The following PDS5A variants were observed in gnomAD, a reference collection of about 807,000 sequenced individuals.
PDS5A encodes PDS5 cohesin associated factor A.
Under a neutral mutation model 167.1 loss-of-function variants are expected in PDS5A, and 42 were observed. That is an observed-to-expected ratio of 0.25 (90% confidence interval 0.20 to 0.33). The LOEUF (loss-of-function observed/expected upper bound fraction) is 0.33. Among genes scored for constraint, PDS5A ranks in the 10% least tolerant of loss-of-function variants. The pLI is 1.00. For missense variants in PDS5A, 1,033 were observed against 1,605.9 expected, an observed-to-expected ratio of 0.64 and a Z score of 6.10; for synonymous variants, 553 against 554.6, an observed-to-expected ratio of 1.00 and a Z score of 0.04.
intron 2 of PDS5A, among the ~76,000 whole-genome samples, chr4:39,963,853 G>A (rs1729727249): frequency 6.6e-6 from 1 of 151,774 alleles, no homozygotes; most frequent in Admixed American, 6.6e-5. Context: ...GGGGGTGGGG[G>A]AGAGGGAGCG....
intron 2 of PDS5A, among the ~76,000 whole-genome samples, chr4:39,952,457 T>C (rs1728500981): frequency 6.6e-6 from 1 of 152,226 alleles, no homozygotes; most frequent in African/African-American, 2.4e-5. Context: ...AATTAAAATT[T>C]TGTAAGTGTT....
chr4:39,919,876 C>A (rs1724761167), intron 7 of PDS5A, among the ~76,000 whole-genome samples: 1 of 149,676 alleles, frequency 6.7e-6, no homozygotes, highest in Admixed American at 6.7e-5. Flanking sequence ...AAATCTTTGC[C>A]AAAAACAACA....
intron 11 of PDS5A, 81 bp downstream of exon 11, chr4:39,908,314 A>C: frequency 9.6e-7 from 1 of 1,042,976 alleles, no homozygotes; most frequent in Non-Finnish European, 1.5e-6. Context: ...AAAGACATTA[A>C]ATGTAACAGA....
intron 26 of PDS5A, among the ~76,000 whole-genome samples, chr4:39,850,262 A>T (rs1718005154): frequency 1.4e-5 from 2 of 142,564 alleles, no homozygotes; most frequent in Non-Finnish European, 3.0e-5. Context: ...ACAGAGCGAG[A>T]CTCTCTCTCA....
Position 39,921,501 on chromosome 4 carries a change from T to C in PDS5A, c.655-1102A>G, listed in dbSNP as rs1219072070. 2.7e-5 allele frequency among the ~76,000 whole-genome samples: 4 copies of C among 145,616 alleles called. No homozygotes were observed. In the South Asian group the frequency reaches 8.6e-4, roughly 31 times the overall value. The stretch of plus-strand genomic sequence containing the variant: ...CTGTAATCTCAGCACTTCGGGAGGC[T>C]AAAACGGGCAGATCGCTTGAGCCCA... On this transcript the variant is annotated intron_variant, in intron 6 of 32. Coordinates refer to ENST00000303538, the MANE Select transcript of PDS5A (RefSeq NM_001100399.2).
At chr4:39,867,076 TGAG>T in intron 22 of PDS5A, 79 bp from the exon 23 acceptor site, 1 of 1,138,334 alleles carries the variant, frequency 8.8e-7, no homozygotes, top group Non-Finnish European at 1.2e-6. Flanking sequence ...ATTAGATTAA[TGAG>T]ATTACTCATC....
chr4:39,849,294 C>A (rs1717908002), intron 27 of PDS5A, among the ~76,000 whole-genome samples: 1 of 152,104 alleles, frequency 6.6e-6, no homozygotes. Flanking sequence ...ACATTTTATT[C>A]TTATCCTCTT....
chr4:39,868,051 TATG>T (rs1343491707), intron 22 of PDS5A, among the ~76,000 whole-genome samples: 3 of 152,192 alleles, frequency 2.0e-5, no homozygotes, highest in African/African-American at 7.2e-5. Context: ...TGATAGAATA[TATG>T]ATGACTACAA....
intron 26 of PDS5A, among the ~76,000 whole-genome samples, chr4:39,861,815 A>G (rs533274771): frequency 6.6e-6 from 1 of 152,362 alleles, no homozygotes; most frequent in South Asian, 2.1e-4. Flanking sequence ...TTTAAAAGAT[A>G]TTTGAAAGTG....
chr4:39,907,184 GGA>G (rs780513088), intron 11 of PDS5A, among the ~76,000 whole-genome samples: 6 of 152,082 alleles, frequency 3.9e-5, no homozygotes, highest in Admixed American at 6.6e-5. Flanking sequence ...TAACCACTAG[GGA>G]GAGAGTCATT....
chr4:39,939,667 G>A lies in PDS5A; in HGVS notation c.139-11503C>T, dbSNP rs756307790. Among the ~76,000 whole-genome samples, 11 of 151,838 alleles carry A rather than the reference G, an allele frequency of 7.2e-5. No homozygotes were observed. The South Asian group carries it at 1.5e-3, about 20-fold the overall frequency. On this transcript the variant is annotated intron_variant, in intron 2 of 32. Transcript: ENST00000303538. Reference sequence around the variant, plus strand: ...CAATTAGTCAGGCATGGTGGCACACGCCTGTAGAAATCCCAGGTACTTGGG... The same window carrying A: ...CAATTAGTCAGGCATGGTGGCACACACCTGTAGAAATCCCAGGTACTTGGG...
At chr4:39,949,578 G>C (rs1223213772) in intron 2 of PDS5A, among the ~76,000 whole-genome samples, 1 of 151,780 alleles carries the variant, frequency 6.6e-6, no homozygotes. Context: ...CACAATCCCA[G>C]CCCTTTGGGG....
intron 23 of PDS5A, among the ~76,000 whole-genome samples, chr4:39,864,748 C>T (rs895518116): frequency 3.9e-5 from 6 of 152,110 alleles, no homozygotes; most frequent in African/African-American, 1.2e-4. Context: ...GTGCTTACTC[C>T]GTGCCAGGCA....
intron 10 of PDS5A, among the ~76,000 whole-genome samples, chr4:39,909,732 GTGC>G (rs973798016): frequency 6.6e-6 from 1 of 152,122 alleles, no homozygotes; most frequent in Admixed American, 6.6e-5. Flanking sequence ...AACCACTTAT[GTGC>G]TGCTACCAAA....
intron 31 of PDS5A, among the ~76,000 whole-genome samples, chr4:39,840,079 G>C (rs1177499986): frequency 6.6e-6 from 1 of 151,746 alleles, no homozygotes; most frequent in African/African-American, 2.4e-5. Flanking sequence ...AGGCGACAGA[G>C]ACTCCGTCTC....
intron 23 of PDS5A, among the ~76,000 whole-genome samples, chr4:39,864,418 A>T (rs748434123): frequency 9.9e-5 from 15 of 152,152 alleles, no homozygotes; most frequent in Non-Finnish European, 1.9e-4. Context: ...GGAACCTATG[A>T]AGCCTTGGCA....
intron 16 of PDS5A, among the ~76,000 whole-genome samples, chr4:39,891,637 A>C (rs1253552121): frequency 6.6e-6 from 1 of 151,522 alleles, no homozygotes. Flanking sequence ...AACAAGAGCA[A>C]CTCCATCTCA....
chr4:39,929,519 C>CTCTCTATATA (rs1346928018), intron 2 of PDS5A, among the ~76,000 whole-genome samples: 1 of 79,398 alleles, frequency 1.3e-5, no homozygotes, highest in African/African-American at 8.8e-5. Flanking sequence ...ACTTAATAAA[C>CTCTCTATATA]TATATATATA....
intron 8 of PDS5A, among the ~76,000 whole-genome samples, chr4:39,915,730 A>G (rs747100090): frequency 6.1e-4 from 93 of 152,186 alleles, no homozygotes; most frequent in Non-Finnish European, 1.0e-3. Context: ...CAACCTTCTA[A>G]TAAGTTCAAT....
Sources: allele counts gnomAD v4.1 joint callset (sites outside exome capture counted in the v4.1 genomes callset), GRCh38; gene constraint gnomAD v4.1.1; transcripts MANE v1.5; gene names NCBI Gene and HGNC (gene_info 2026-07-23, HGNC 2026-07-21).